Variants in PTPRM observed in about 807,000 individuals in gnomAD.
PTPRM encodes the protein receptor-type tyrosine-protein phosphatase mu.
A neutral mutation model predicts 186.7 loss-of-function variants in PTPRM; 47 were observed. That is an observed-to-expected ratio of 0.25 (90% CI 0.20 to 0.32). The LOEUF (loss-of-function observed/expected upper bound fraction) is 0.32, where lower values mean the gene tolerates loss of function less well. PTPRM is among the 10% of genes least tolerant of loss of function. PTPRM has a pLI of 1.00. For missense variants in PTPRM, 1,494 were observed against 1,865.0 expected, an observed-to-expected ratio of 0.80 and a Z score of 3.66; for synonymous variants, 668 against 674.9, an observed-to-expected ratio of 0.99 and a Z score of 0.16.
intron 1 of PTPRM, among the ~76,000 whole-genome samples, chr18:7,602,966 C>T (rs976121593): frequency 1.3e-5 from 2 of 149,210 alleles, no homozygotes; most frequent in African/African-American, 4.9e-5. Context: ...CTCACTCTCT[C>T]GCCCAGGCTG....
chr18:7,811,948 GTAAAGTTTTCCA>G (rs2044542084), intron 2 of PTPRM, among the ~76,000 whole-genome samples: 1 of 152,166 alleles, frequency 6.6e-6, no homozygotes, highest in Admixed American at 6.5e-5. Flanking sequence ...ATTACTTTAT[GTAAAGTTTTCCA>G]GGATATGTTA....
chr18:8,048,677 C>T (rs2087245637), intron 7 of PTPRM, among the ~76,000 whole-genome samples: 1 of 151,772 alleles, frequency 6.6e-6, no homozygotes, highest in African/African-American at 2.4e-5. Flanking sequence ...TTTGTGAAAC[C>T]ATTTGCGTAG....
chr18:7,858,548 C>A (rs1685226961), intron 2 of PTPRM, among the ~76,000 whole-genome samples: 1 of 152,044 alleles, frequency 6.6e-6, no homozygotes, highest in South Asian at 2.1e-4. Context: ...GCGAGTGAGA[C>A]CCTGTCTTTT....
chr18:8,196,491 C>T (rs529894949), intron 14 of PTPRM, among the ~76,000 whole-genome samples: 76 of 152,192 alleles, frequency 5.0e-4, no homozygotes, highest in Non-Finnish European at 1.0e-3. Context: ...ATACTGGTTT[C>T]GTACAACTCA....
rs564997078 is a variant in PTPRM at position 7,931,703 on chromosome 18, A to G, written c.663+5020A>G. Among the ~76,000 whole-genome samples, 6 of 152,270 alleles carry G rather than the reference A, an allele frequency of 3.9e-5. No homozygotes were observed. The South Asian group carries it at 1.2e-3, about 32-fold the overall frequency. On this transcript the variant is annotated intron_variant, in intron 5 of 32. Coordinates refer to ENST00000580170, the MANE Select transcript of PTPRM (RefSeq NM_001105244.2). ...AAAAAATAAATAAAAATAAATAAAT[A>G]ATTTTTGTTTGCTGATGGGAAACTT...
rs188078019 is a variant in PTPRM at position 8,389,309 on chromosome 18, G to A, written c.4208+2074G>A. ...CACAGGACTAAGTTACTAGTGACTC[G>A]AAGAAGTTGAGGCACCAGGACAGGC... On this transcript the variant is annotated intron_variant, in intron 31 of 32. Coordinates refer to ENST00000580170, the MANE Select transcript of PTPRM (RefSeq NM_001105244.2). Among the ~76,000 whole-genome samples, 8 of 152,282 alleles carry A rather than the reference G, an allele frequency of 5.3e-5. No individual in the cohort carries two copies. The East Asian group carries it at 1.4e-3, about 26-fold the overall frequency.
intron 20 of PTPRM, 95 bp from the exon 21 acceptor site, chr18:8,314,686 G>C: frequency 1.3e-6 from 1 of 752,992 alleles, no homozygotes; most frequent in Non-Finnish European, 2.3e-6. Flanking sequence ...GTGTCTGTGG[G>C]TGATCTCTAT....
At chr18:8,198,183 A>G (rs990164094) in intron 14 of PTPRM, among the ~76,000 whole-genome samples, 1 of 152,174 alleles carries the variant, frequency 6.6e-6, no homozygotes, top group African/African-American at 2.4e-5. Context: ...TCTTACTCCC[A>G]TCATCCTGGC....
intron 11 of PTPRM, 134 bp downstream of exon 11, chr18:8,088,985 A>T (rs1467668782): frequency 3.1e-6 from 2 of 639,056 alleles, no homozygotes; most frequent in Admixed American, 5.4e-5. Flanking sequence ...ATTAGCTCTA[A>T]TTAAAAGTAA....
At chr18:7,902,981 T>G (rs1490765864) in intron 3 of PTPRM, among the ~76,000 whole-genome samples, 1 of 152,218 alleles carries the variant, frequency 6.6e-6, no homozygotes, top group Non-Finnish European at 1.5e-5. Context: ...TACACTATGT[T>G]CTAAAAGGTA....
At chr18:8,031,016 G>T (rs1316959473) in intron 7 of PTPRM, among the ~76,000 whole-genome samples, 1 of 152,128 alleles carries the variant, frequency 6.6e-6, no homozygotes, top group Non-Finnish European at 1.5e-5. Context: ...TTGGAAGAGT[G>T]TGCGCTTGTT....
intron 22 of PTPRM, among the ~76,000 whole-genome samples, chr18:8,337,969 G>A (rs1251104348): frequency 6.6e-6 from 1 of 152,226 alleles, no homozygotes; most frequent in Non-Finnish European, 1.5e-5. Flanking sequence ...TCATAGATGA[G>A]CCCTGGCTGA....
intron 19 of PTPRM, among the ~76,000 whole-genome samples, chr18:8,270,821 C>T (rs925697527): frequency 2.6e-5 from 4 of 151,988 alleles, no homozygotes; most frequent in African/African-American, 7.3e-5. Flanking sequence ...CAGAGTAGAA[C>T]GATGATTGCC....
intron 14 of PTPRM, among the ~76,000 whole-genome samples, chr18:8,188,389 C>T (rs565834714): frequency 2.0e-5 from 3 of 152,296 alleles, no homozygotes; most frequent in East Asian, 1.9e-4. Flanking sequence ...AAGCAAGCTC[C>T]CTGGGAAATA....
At position 8,319,210 on chromosome 18, in the gene PTPRM, C is replaced by T; in HGVS notation, c.2952C>T (p.Thr984=). 2 of 1,557,342 alleles carry T rather than the reference C, an allele frequency of 1.3e-6. No homozygotes were observed. The highest frequency in any genetic ancestry group is 1.8e-6 in the Non-Finnish European group (2 of 1,133,422). ...GYHRPNHYIA[T]QGPMQETIYD... The stretch of plus-strand genomic sequence containing the variant: ...ATCGACCCAATCATTACATTGCTAC[C>T]CAAGGTAAGTTTATTTCTACTTTGT... The change falls in exon 22 of 33, where the codon ACC becomes ACT. Residue 984 remains threonine (T), a synonymous_variant. Coordinates refer to ENST00000580170, the MANE Select transcript of PTPRM (RefSeq NM_001105244.2).
At chr18:7,913,690 T>G (rs1409715108) in intron 4 of PTPRM, among the ~76,000 whole-genome samples, 5 of 152,172 alleles carry the variant, frequency 3.3e-5, no homozygotes, top group Non-Finnish European at 7.4e-5. Flanking sequence ...ATAATCTTTT[T>G]TAATATGTTG....
chr18:8,241,660 C>A (rs2094435844), intron 14 of PTPRM, among the ~76,000 whole-genome samples: 1 of 152,160 alleles, frequency 6.6e-6, no homozygotes, highest in Non-Finnish European at 1.5e-5. Context: ...TCTCCACAAC[C>A]CTTTATTGTC....
At chr18:8,130,913 C>T (rs1035161127) in intron 13 of PTPRM, among the ~76,000 whole-genome samples, 28 of 152,196 alleles carry the variant, frequency 1.8e-4, no homozygotes, top group African/African-American at 6.5e-4. Flanking sequence ...TATTTCTTTA[C>T]CTCATAGTTA....
chr18:7,630,458 G>A (rs2038165172), intron 1 of PTPRM, among the ~76,000 whole-genome samples: 1 of 152,136 alleles, frequency 6.6e-6, no homozygotes, highest in African/African-American at 2.4e-5. Flanking sequence ...TTGGGGTGAG[G>A]ACCAGAGAGA....
Sources: gnomAD v4.1 joint callset for allele counts (sites outside exome capture counted in the v4.1 genomes callset) on GRCh38, gnomAD v4.1.1 for gene constraint, MANE v1.5 for transcripts, NCBI Gene and HGNC (gene_info 2026-07-23, HGNC 2026-07-21) for gene names.